Variants in CHL1 observed in about 807,000 individuals in gnomAD.
CHL1 encodes neural cell adhesion molecule L1-like protein.
CHL1 carries 96 observed loss-of-function variants against 141.9 expected under a neutral mutation model. That is an observed-to-expected ratio of 0.68 (90% CI 0.57 to 0.80). The LOEUF (loss-of-function observed/expected upper bound fraction) is 0.80, where lower values mean the gene tolerates loss of function less well. CHL1 is among the 30% of genes least tolerant of loss of function. CHL1 has a pLI of 0.00. For missense variants in CHL1, 1,820 were observed against 1,457.2 expected (o/e 1.25, Z -4.05); for synonymous variants, 613 against 502.2 (o/e 1.22, Z -2.95).
chr3:327,597 T>C (rs1397277211), intron 4 of CHL1, among the ~76,000 whole-genome samples: 1 of 151,960 alleles, frequency 6.6e-6, no homozygotes, highest in African/African-American at 2.4e-5. Context: ...AGGAAAAACA[T>C]TGAAATGGTT....
At chr3:255,977 C>T (rs1392436854) in intron 2 of CHL1, among the ~76,000 whole-genome samples, 1 of 152,204 alleles carries the variant, frequency 6.6e-6, no homozygotes, top group Non-Finnish European at 1.5e-5. Flanking sequence ...CCTACTTCCA[C>T]ACTTTCAACT....
chr3:327,560 G>A (rs1701112151), intron 4 of CHL1, among the ~76,000 whole-genome samples: 1 of 151,826 alleles, frequency 6.6e-6, no homozygotes, highest in South Asian at 2.1e-4. Flanking sequence ...AATATATAGG[G>A]TTGTTTCTCA....
At chr3:382,892 A>G (rs896401581) in intron 18 of CHL1, among the ~76,000 whole-genome samples, 3 of 151,874 alleles carry the variant, frequency 2.0e-5, no homozygotes, top group African/African-American at 7.3e-5. Flanking sequence ...TGACATATGA[A>G]AAAAAAACAT....
In CHL1 at chr3:407,419, C is replaced by T. The variant is rs1172690293; in HGVS notation, c.*1708C>T. 1 of 152,100 alleles carries T rather than the reference C, an allele frequency of 6.6e-6. No homozygotes were observed. The highest frequency in any genetic ancestry group is 1.5e-5 in the Non-Finnish European group (1 of 68,042). 9.4% of individuals were successfully genotyped at this position (152,100 alleles called of 1,614,324 possible). On this transcript the variant is annotated 3_prime_UTR_variant, in exon 28 of 28. Coordinates refer to ENST00000256509, the MANE Select transcript of CHL1 (RefSeq NM_006614.4). ...GAATGTATAGACAGGAAAAGCATGT[C>T]TTATTTAAAACTGTAATTTATGGGC...
At chr3:364,332 A>C (rs774915718) in intron 14 of CHL1, among the ~76,000 whole-genome samples, 4 of 152,174 alleles carry the variant, frequency 2.6e-5, no homozygotes, top group Non-Finnish European at 5.9e-5. Flanking sequence ...TACATTTTCA[A>C]GTGTCATGTA....
intron 6 of CHL1, 108 bp from the exon 7 acceptor site, chr3:341,804 C>T (rs1188234564): frequency 2.1e-6 from 2 of 964,306 alleles, no homozygotes; most frequent in South Asian, 2.4e-5. Flanking sequence ...AATTAAAGAG[C>T]AAACAGGAAA....
intron 1 of CHL1, among the ~76,000 whole-genome samples, chr3:231,860 A>G (rs1701898115): frequency 6.6e-6 from 1 of 152,122 alleles, no homozygotes; most frequent in African/African-American, 2.4e-5. Context: ...TACAGGCATG[A>G]ACTACCACAC....
At chr3:376,653 T>C (rs1050469959) in intron 15 of CHL1, among the ~76,000 whole-genome samples, 1 of 152,242 alleles carries the variant, frequency 6.6e-6, no homozygotes, top group African/African-American at 2.4e-5. Flanking sequence ...ACAGAAGTCC[T>C]ATTTCAAGAG....
At chr3:337,345 C>T (rs575678539) in intron 5 of CHL1, among the ~76,000 whole-genome samples, 4 of 142,212 alleles carry the variant, frequency 2.8e-5, no homozygotes, top group East Asian at 4.3e-4. Flanking sequence ...CGCCCGCCAC[C>T]ACGCCCGGCT....
At chr3:241,287 G>T (rs4685488) in intron 1 of CHL1, among the ~76,000 whole-genome samples, 2 of 151,986 alleles carry the variant, frequency 1.3e-5, no homozygotes, top group African/African-American at 4.8e-5. Context: ...GTGAAGCCAA[G>T]TTTTCTTCCA....
At position 394,756 on chromosome 3, in the gene CHL1, G is replaced by A. The variant is rs565877790; in HGVS notation, c.2978G>A (p.Ser993Asn). ...DINITTPSKPSWHLSNLNATT... is the reference protein window; with the variant it reads ...DINITTPSKPNWHLSNLNATT... ...AACATTACAACTCCATCAAAGCCCA[G>A]CTGGCACCTCTCAAACCTGAATGCA... The change falls in exon 24 of 28, where the codon AGC becomes AAC. Residue 993 changes from serine (S) to asparagine (N), a missense_variant. Coordinates refer to ENST00000256509, the MANE Select transcript of CHL1 (RefSeq NM_006614.4). 2 of 1,613,874 alleles carry A rather than the reference G, an allele frequency of 1.2e-6. No individual in the cohort carries two copies. The highest frequency in any genetic ancestry group is 1.3e-5 in the African/African-American group (1 of 74,984).
chr3:316,759 A>G (rs1401928191), intron 2 of CHL1, among the ~76,000 whole-genome samples: 1 of 151,914 alleles, frequency 6.6e-6, no homozygotes, highest in Non-Finnish European at 1.5e-5. Flanking sequence ...CATGTACCCT[A>G]TAAATACTAG....
intron 19 of CHL1, chr3:384,754 G>C (rs990770510): frequency 1.3e-5 from 2 of 152,116 alleles, no homozygotes; most frequent in Non-Finnish European, 2.9e-5. Flanking sequence ...TGTAAACATA[G>C]AACATTTTTA....
rs142835653 is a variant in CHL1 at position 367,192 on chromosome 3, C to T, written c.1751+1077C>T. Among the ~76,000 whole-genome samples the T allele has an allele frequency of 2.5e-3, 386 of 152,324 alleles. 1 individual carries two copies. Among genetic ancestry groups the T allele is most frequent in the African/African-American group, 8.9e-3 (369 of 41,588 alleles). Reference sequence around the variant, plus strand: ...TTTGAAAATATGAGAAAGTCAGCTTCGCGTCCTTTTGCATTGTTACTAAGT... The same window carrying T: ...TTTGAAAATATGAGAAAGTCAGCTTTGCGTCCTTTTGCATTGTTACTAAGT... On this transcript the variant is annotated intron_variant, in intron 15 of 27. Transcript: ENST00000256509.
intron 24 of CHL1, among the ~76,000 whole-genome samples, chr3:395,238 T>G: frequency 6.6e-6 from 1 of 152,230 alleles, no homozygotes; most frequent in Admixed American, 6.5e-5. Flanking sequence ...CAGAAAAATA[T>G]TTGGCTCTTC....
intron 2 of CHL1, among the ~76,000 whole-genome samples, chr3:256,719 T>C (rs574665565): frequency 6.6e-5 from 10 of 152,192 alleles, no homozygotes; most frequent in Non-Finnish European, 1.2e-4. Context: ...AAAATTCCCA[T>C]GAAAATTTGG....
intron 2 of CHL1, among the ~76,000 whole-genome samples, chr3:281,840 G>A (rs144644116): frequency 3.0e-4 from 46 of 152,214 alleles, no homozygotes; most frequent in African/African-American, 7.0e-4. Flanking sequence ...GATTACAGGC[G>A]TGAGCCACCA....
intron 1 of CHL1, among the ~76,000 whole-genome samples, chr3:237,304 C>G (rs1692089453): frequency 6.6e-6 from 1 of 152,184 alleles, no homozygotes; most frequent in Non-Finnish European, 1.5e-5. Flanking sequence ...CAAGATGTCC[C>G]TTGCTTCCCC....
At chr3:308,237 T>C (rs1031301045) in intron 2 of CHL1, among the ~76,000 whole-genome samples, 4 of 152,232 alleles carry the variant, frequency 2.6e-5, no homozygotes, top group Non-Finnish European at 4.4e-5. Flanking sequence ...TGTGGACATA[T>C]GTATGAAATT....
Sources: allele counts gnomAD v4.1 joint callset (sites outside exome capture counted in the v4.1 genomes callset), GRCh38; gene constraint gnomAD v4.1.1; transcripts MANE v1.5; gene names NCBI Gene and HGNC (gene_info 2026-07-23, HGNC 2026-07-21).